FCRL5: variants seen among roughly 807,000 people sequenced by gnomAD.
FCRL5 encodes the protein Fc receptor-like protein 5.
A neutral mutation model predicts 92.1 loss-of-function variants in FCRL5; 79 were observed. The observed-to-expected ratio is 0.86, with a 90% CI of 0.72 to 1.03. The LOEUF is 1.03. Ranked by LOEUF, FCRL5 falls within the 50% of genes least tolerant of loss-of-function variation. The probability of loss-of-function intolerance (pLI) is 0.00; values close to 1 mark genes in which losing one functional copy is unlikely to be tolerated. For missense variants in FCRL5, 1,160 were observed against 1,181.1 expected, an observed-to-expected ratio of 0.98 and a Z score of 0.26; for synonymous variants, 466 against 469.3, an observed-to-expected ratio of 0.99 and a Z score of 0.09.
rs534019022 is a variant in FCRL5, at chr1:157,521,399, T to C, written c.2240-107A>G. 3.3e-4 allele frequency: 435 copies of C among 1,327,648 alleles called. 2 individuals carry two copies. In the African/African-American group the frequency reaches 6.1e-3, roughly 18 times the overall value. The allele number at this position is 1,327,648 out of a possible 1,614,324, so 82.2% of individuals were successfully genotyped here. On this transcript the variant is annotated intron_variant, in intron 10 of 16. Transcript: ENST00000361835. ...AAAGTCATATCTCAATCTTGGAAAG[T>C]AGATTAAAACATAGATGATAAAGCT...
intron 4 of FCRL5, 32 bp from the exon 5 acceptor site, chr1:157,544,578 A>G (rs1399848552): frequency 1.2e-6 from 2 of 1,605,886 alleles, no homozygotes. Flanking sequence ...GTCCCAGAGC[A>G]ATGAGGCTGG....
At position 157,550,668 on chromosome 1, in the gene FCRL5, C is replaced by T. The variant is rs151242982; in HGVS notation, c.32-1088G>A. Among the ~76,000 whole-genome samples the T allele has an allele frequency of 5.5e-3, 834 of 152,180 alleles. 9 individuals carry two copies. Among genetic ancestry groups the T allele is most frequent in the Middle Eastern group, 0.024 (7 of 294 alleles). ...ACCATATATCCTCCAGGACCTATAA[C>T]GGTGAATGGCATATAAAAGATATTC... is the stretch of plus-strand genomic sequence containing the variant. On this transcript the variant is annotated intron_variant, in intron 1 of 16. Transcript: ENST00000361835.
At chr1:157,534,534 C>G (rs1650855697) in intron 8 of FCRL5, 80 bp downstream of exon 8, 1 of 1,534,044 alleles carries the variant, frequency 6.5e-7, no homozygotes, top group African/African-American at 1.4e-5. Context: ...GGAAACTGGA[C>G]AGTGCAAACA....
intron 13 of FCRL5, 115 bp from the exon 14 acceptor site, chr1:157,518,897 A>G: frequency 2.8e-6 from 2 of 706,930 alleles, no homozygotes; most frequent in Non-Finnish European, 4.8e-6. Flanking sequence ...GGAAACATGA[A>G]CAAGTACATA....
Position 157,527,602 on chromosome 1 carries a change from G to T in FCRL5, c.1960+15C>A. On this transcript the variant is annotated intron_variant, in intron 9 of 16. Coordinates refer to ENST00000361835, the MANE Select transcript of FCRL5 (RefSeq NM_031281.3). ...TGGTCTTTTTATTTTTGTGCTGCTG[G>T]TTAGGTCAACTTACCTATAACACTG... 1 of 1,567,310 alleles carries T rather than the reference G, an allele frequency of 6.4e-7. No individual in the cohort carries two copies. The highest frequency in any genetic ancestry group is 8.6e-7 in the Non-Finnish European group (1 of 1,156,520).
At chr1:157,515,912 C>T in intron 15 of FCRL5, 39 bp from the exon 16 acceptor site, 2 of 1,611,408 alleles carry the variant, frequency 1.2e-6, no homozygotes, top group East Asian at 2.2e-5. Context: ...GGAAGACTGG[C>T]ATGGGGCTCT....
chr1:157,518,492 G>C lies in FCRL5; in HGVS notation c.2749C>G (p.Pro917Ala). 6.2e-7 allele frequency: 1 copy of C among 1,613,930 alleles called. No individual in the cohort carries two copies. The highest frequency in any genetic ancestry group is 8.5e-7 in the Non-Finnish European group (1 of 1,179,852). The change falls in exon 15 of 17, where the codon CCT becomes GCT. Residue 917 changes from proline (P) to alanine (A), a missense_variant. By Grantham distance (27) the Pro-to-Ala change is conservative (BLOSUM62 -1). Transcript: ENST00000361835. ...GAGTAAACCACATTTTCTCCTCTAG[G>C]ATTTGCTTAGAAAAAAGTTGAAGTT... ...ELQPVYTNANPRGENVVYSEV... is the reference protein window; with the variant it reads ...ELQPVYTNANARGENVVYSEV...
intron 11 of FCRL5, 42 bp from the exon 12 acceptor site, chr1:157,520,589 G>A (rs767726169): frequency 3.4e-6 from 5 of 1,483,944 alleles, no homozygotes; most frequent in Admixed American, 3.8e-5. Flanking sequence ...GAGAGGCTGT[G>A]GTCTGGAACT....
chr1:157,532,039 C>T (rs1268091369), intron 8 of FCRL5: 3 of 152,072 alleles, frequency 2.0e-5, no homozygotes, highest in African/African-American at 4.8e-5. Context: ...CTAATTTGAT[C>T]GTTATATACC....
At chr1:157,519,954 C>T (rs575358297) in intron 12 of FCRL5, among the ~76,000 whole-genome samples, 184 bp from the exon 13 acceptor site, 10 of 152,226 alleles carry the variant, frequency 6.6e-5, no homozygotes, top group African/African-American at 2.4e-4. Context: ...GAGGGGTTTG[C>T]TATGATGTGA....
In FCRL5 at chr1:157,527,619, A is replaced by G; in HGVS notation, c.1958T>C (p.Ile653Thr). Reference protein sequence around the residue: ...QHSDTISLSVIVPVSRPILTF... With the variant: ...QHSDTISLSVTVPVSRPILTF... ...TGCTGCTGGTTAGGTCAACTTACCT[A>G]TAACACTGAGTGATATTGTGTCACT... Residue 653 changes from isoleucine to threonine, a missense_variant and splice_region_variant, in exon 9 of 17, where the codon ATA (isoleucine) becomes ACA (threonine). Physicochemically the swap from Ile to Thr is moderately conservative, Grantham distance 89 (BLOSUM62 -1). Coordinates refer to ENST00000361835, the MANE Select transcript of FCRL5 (RefSeq NM_031281.3). The G allele has an allele frequency of 5.0e-6, 8 of 1,601,946 alleles. No individual in the cohort carries two copies. The highest frequency in any genetic ancestry group is 6.8e-6 in the Non-Finnish European group (8 of 1,173,990).
intron 8 of FCRL5, chr1:157,533,905 T>C (rs1650814718): frequency 6.2e-6 from 1 of 160,158 alleles, no homozygotes; most frequent in Non-Finnish European, 1.4e-5. Context: ...AAGATTTTTC[T>C]ATCATACCAT....
intron 15 of FCRL5, among the ~76,000 whole-genome samples, chr1:157,517,515 T>G (rs752849598): frequency 3.3e-5 from 5 of 152,042 alleles, no homozygotes; most frequent in Non-Finnish European, 7.4e-5. Context: ...TTTTCTCAGG[T>G]GAGGTCAGAA....
chr1:157,520,472 G>T lies in FCRL5; in HGVS notation c.2591C>A (p.Ala864Glu). The T allele has an allele frequency of 1.3e-6, 2 of 1,574,132 alleles. No homozygotes were observed. The highest frequency in any genetic ancestry group is 1.7e-6 in the Non-Finnish European group (2 of 1,159,308). ...GGLLSIAGLA[A>E]GALLLYCWLS... is the part of the protein sequence containing the mutation. ...CCAGCAGTAGAGCAGCAGTGCCCCC[G>T]CAGCAAGGCCTGCTATGCTGAGCAG... Residue 864 changes from alanine to glutamate, a missense_variant, in exon 12 of 17, where the codon GCG (alanine) becomes GAG (glutamate). Ala to Glu is a moderately radical substitution (Grantham distance 107). Transcript: ENST00000361835.
Position 157,520,501 on chromosome 1 carries a change from C to T in FCRL5, c.2562G>A (p.Gly854=). 6.3e-7 allele frequency: 1 copy of T among 1,575,254 alleles called. No individual in the cohort carries two copies. Among genetic ancestry groups the T allele is most frequent in the Non-Finnish European group, 8.6e-7 (1 of 1,160,230 alleles). Residue 854 remains glycine (G), a synonymous_variant, in exon 12 of 17, where the codon GGG becomes GGA. Coordinates refer to ENST00000361835, the MANE Select transcript of FCRL5 (RefSeq NM_031281.3). ...RSGPFATGVA[G]GLLSIAGLAA... Reference sequence around the variant, plus strand: ...CAAGGCCTGCTATGCTGAGCAGGCCCCCGGCGACTCCTGTGGCAAAAGGGC... The same window carrying T: ...CAAGGCCTGCTATGCTGAGCAGGCCTCCGGCGACTCCTGTGGCAAAAGGGC...
rs1389037693 is a variant in FCRL5 at position 157,513,953 on chromosome 1, G to A, written c.*1722C>T. 6.6e-6 allele frequency: 1 copy of A among 152,222 alleles called. No homozygotes were observed. The highest frequency in any genetic ancestry group is 1.5e-5 in the Non-Finnish European group (1 of 68,054). 9.4% of individuals were successfully genotyped at this position (152,222 alleles called of 1,614,324 possible). A position where few individuals can be genotyped will look rare whatever the true frequency, so the allele number is the denominator to read the frequency against. On this transcript the variant is annotated 3_prime_UTR_variant, in exon 17 of 17. Coordinates refer to ENST00000361835, the MANE Select transcript of FCRL5 (RefSeq NM_031281.3). ...TTTCTCTTGCTCCACGTCTATTTTAGTTGCATATCTGTAGTGATGACAAAT... is the reference window on the plus strand; with the variant it reads ...TTTCTCTTGCTCCACGTCTATTTTAATTGCATATCTGTAGTGATGACAAAT...
In FCRL5 at chr1:157,524,427, A is replaced by G. The variant is rs76824212; in HGVS notation, c.2091T>C (p.Asp697=). The G allele has an allele frequency of 3.0e-3, 4,858 of 1,614,226 alleles. 118 individuals are homozygous for G. The African/African-American group carries it at 0.052, about 17-fold the overall frequency. The part of the protein sequence containing the change: ...SPILYWFYHE[D]VTLGKISAPS... ...GGGCTGAGATCTTACCCAGGGTGAC[A>G]TCTTCATGATAAAACCAGTACAGGA... Residue 697 remains aspartate, a synonymous_variant, in exon 10 of 17, where the codon GAT becomes GAC. Transcript: ENST00000361835.
intron 6 of FCRL5, among the ~76,000 whole-genome samples, chr1:157,539,982 G>A (rs1651174372): frequency 6.6e-6 from 1 of 152,210 alleles, no homozygotes; most frequent in South Asian, 2.1e-4. Flanking sequence ...CTTTGGAGAA[G>A]GCAGGGAGCT....
chr1:157,533,847 T>G (rs2101621455), intron 8 of FCRL5: 1 of 154,860 alleles, frequency 6.5e-6, no homozygotes, highest in Non-Finnish European at 1.4e-5. Context: ...AAAAATAACC[T>G]CTTTACTCAA....
Sources: allele counts gnomAD v4.1 joint callset (sites outside exome capture counted in the v4.1 genomes callset), GRCh38; gene constraint gnomAD v4.1.1; transcripts MANE v1.5; gene names NCBI Gene and HGNC (gene_info 2026-07-23, HGNC 2026-07-21).